The following TNRC18 variants were observed in gnomAD, a reference collection of about 807,000 sequenced individuals.
The protein encoded by TNRC18 is trinucleotide repeat-containing gene 18 protein.
TNRC18 carries 69 observed loss-of-function variants against 226.7 expected under a neutral mutation model. That is an observed-to-expected ratio of 0.30 (90% CI 0.25 to 0.37). The LOEUF (loss-of-function observed/expected upper bound fraction) is 0.37. TNRC18 is among the 10% of genes least tolerant of loss of function. TNRC18 has a pLI of 1.00. For synonymous variants in TNRC18, 2,449 were observed against 1,927.6 expected (o/e 1.27, Z -7.09); for missense variants, 4,754 against 4,256.6 (o/e 1.12, Z -3.25).
intron 4 of TNRC18, 61 bp from the exon 5 acceptor site, chr7:5,389,397 G>A (rs1436107857): frequency 3.3e-6 from 4 of 1,220,970 alleles, no homozygotes; most frequent in Non-Finnish European, 4.1e-6. Context: ...CCCCTGCCTG[G>A]GCGGAGGCGG....
chr7:5,376,947 T>C lies in TNRC18; in HGVS notation c.2508A>G (p.Pro836=). ...ACGGGAGGGAGCCCCCCAGGCCAGG[T>C]GGGAACGCAGGGGCCATGCCCTGGT... ...SLHQGMAPAF[P]PGLGGSLPSA... is the part of the protein sequence containing the mutation. Residue 836 remains proline (P), a synonymous_variant, in exon 8 of 30, where the codon CCA becomes CCG. Coordinates refer to ENST00000430969, the MANE Select transcript of TNRC18 (RefSeq NM_001080495.3). 1 of 1,593,344 alleles carries C rather than the reference T, an allele frequency of 6.3e-7. No individual in the cohort carries two copies. The highest frequency in any genetic ancestry group is 8.5e-7 in the Non-Finnish European group (1 of 1,170,468).
In TNRC18 at chr7:5,309,501, G is replaced by C. The variant is rs150486454; in HGVS notation, c.8389-133C>G. ...CCCCTATCCAACTGTGGGGAGATGAGGAAGCTCCTTGTCTCGCTTCAAGTG... is the reference window on the plus strand; with the variant it reads ...CCCCTATCCAACTGTGGGGAGATGACGAAGCTCCTTGTCTCGCTTCAAGTG... On this transcript the variant is annotated intron_variant, in intron 27 of 29. Transcript: ENST00000430969. The surrounding 1 kb of genome is among the most constrained non-coding windows in gnomAD (Gnocchi z 5.7). The C allele has an allele frequency of 5.7e-5, 42 of 735,656 alleles. No individual in the cohort carries two copies. The highest frequency in any genetic ancestry group is 7.3e-5 in the Non-Finnish European group (33 of 454,534). 45.6% of individuals were successfully genotyped at this position (735,656 alleles called of 1,614,324 possible). A position where few individuals can be genotyped will look rare whatever the true frequency, so the allele number is the denominator to read the frequency against.
rs1452850175 is a variant in TNRC18, at chr7:5,388,014, G to A, written c.1810C>T (p.Pro604Ser). The A allele has an allele frequency of 1.3e-6, 2 of 1,579,260 alleles. No individual in the cohort carries two copies. The highest frequency in any genetic ancestry group is 1.8e-5 in the Admixed American group (1 of 54,748). The change falls in exon 5 of 30, where the codon CCT becomes TCT. Residue 604 changes from proline (P) to serine (S), a missense_variant. Coordinates refer to ENST00000430969, the MANE Select transcript of TNRC18 (RefSeq NM_001080495.3). ...SFARDAVAVR[P>S]GGCGKKSPFG... The stretch of plus-strand genomic sequence containing the variant: ...GGGCTCTTCTTGCCACAGCCACCAG[G>A]GCGCACGGCCACGGCGTCCCGGGCA...
At chr7:5,322,327 C>G (rs1471575524) in intron 21 of TNRC18, among the ~76,000 whole-genome samples, 3 of 149,506 alleles carry the variant, frequency 2.0e-5, no homozygotes, top group Admixed American at 6.7e-5. Flanking sequence ...GAGACAAGGT[C>G]TTGCTTTGTC....
At chr7:5,416,216 C>G (rs1782178684) in intron 2 of TNRC18, among the ~76,000 whole-genome samples, 1 of 150,808 alleles carries the variant, frequency 6.6e-6, no homozygotes, top group African/African-American at 2.4e-5. Flanking sequence ...AGATCGAGAT[C>G]ATCCCGGCTA....
At chr7:5,397,193 G>C (rs1057179434) in intron 2 of TNRC18, among the ~76,000 whole-genome samples, 1 of 152,128 alleles carries the variant, frequency 6.6e-6, no homozygotes, top group Non-Finnish European at 1.5e-5. Flanking sequence ...GGCCCAAGCC[G>C]GGGCAGCAGG....
intron 5 of TNRC18, among the ~76,000 whole-genome samples, chr7:5,378,488 G>A (rs182569881): frequency 0.011 from 1,631 of 150,614 alleles, 40 homozygotes; most frequent in African/African-American, 0.038. Context: ...GCACGATCTC[G>A]GCTCACTGCA....
rs550455323 is a variant in TNRC18, at chr7:5,420,704, G to A, written c.187+356C>T. ...CGAGCTCGGGGAGCGGGTGTCTCGC[G>A]GGGTGCGGGGGCCGGTTTGTTCTTT... On this transcript the variant is annotated intron_variant, in intron 2 of 29. Coordinates refer to ENST00000430969, the MANE Select transcript of TNRC18 (RefSeq NM_001080495.3). 5.1e-5 allele frequency: 27 copies of A among 527,460 alleles called. 1 individual carries two copies. The highest frequency in any genetic ancestry group is 4.0e-4 in the South Asian group (26 of 65,180). 32.7% of individuals were successfully genotyped at this position (527,460 alleles called of 1,614,324 possible). A position where few individuals can be genotyped will look rare whatever the true frequency, so the allele number is the denominator to read the frequency against.
chr7:5,375,363 G>A (rs1794558380), intron 9 of TNRC18, among the ~76,000 whole-genome samples: 1 of 151,326 alleles, frequency 6.6e-6, no homozygotes, highest in African/African-American at 2.4e-5. Flanking sequence ...GCGCTCCAAG[G>A]ACAGGCCGCT....
At chr7:5,399,485 G>A (rs1780931138) in intron 2 of TNRC18, among the ~76,000 whole-genome samples, 1 of 152,084 alleles carries the variant, frequency 6.6e-6, no homozygotes, top group Non-Finnish European at 1.5e-5. Flanking sequence ...GGACGAGGCG[G>A]GCAGATCACT....
rs764729300 is a variant in TNRC18, at chr7:5,388,184, G to A, written c.1640C>T (p.Ser547Phe). Residue 547 changes from serine to phenylalanine, a missense_variant, in exon 5 of 30, where the codon TCC (serine) becomes TTC (phenylalanine). By Grantham distance (155) the Ser-to-Phe change is radical. Coordinates refer to ENST00000430969, the MANE Select transcript of TNRC18 (RefSeq NM_001080495.3). The stretch of plus-strand genomic sequence containing the variant: ...CCCAGGGTCCAGGTAGGCCTTCTTG[G>A]AGGAGGAGGCAGCGACCACGGCGGC... Reference protein sequence around the residue: ...EEAAVVAASSSKKAYLDPGAV... With the variant: ...EEAAVVAASSFKKAYLDPGAV... 31 of 1,586,656 alleles carry A rather than the reference G, an allele frequency of 2.0e-5. No individual in the cohort carries two copies. Among genetic ancestry groups the A allele is most frequent in the Non-Finnish European group, 2.5e-5 (29 of 1,168,366 alleles).
chr7:5,325,673 C>CTCGT (rs1788843728), intron 19 of TNRC18: 1 of 164,418 alleles, frequency 6.1e-6, no homozygotes, highest in Non-Finnish European at 1.3e-5. Flanking sequence ...ATCTGCCCGC[C>CTCGT]TCGGCCTCCC....
At position 5,344,688 on chromosome 7, in the gene TNRC18, C is replaced by T. The variant is rs950169097; in HGVS notation, c.5719+874G>A. Among the ~76,000 whole-genome samples the T allele has an allele frequency of 4.6e-5, 7 of 152,008 alleles. No homozygotes were observed. The South Asian group carries it at 8.3e-4, about 18-fold the overall frequency. ...CCTACTGTGGCTCAGAAAAGGATGC[C>T]GGGGGGGTCAGAAGGACCCTCCCCT... On this transcript the variant is annotated intron_variant, in intron 18 of 29. Transcript: ENST00000430969.
Position 5,324,215 on chromosome 7 carries a change from C to T in TNRC18, c.6441G>A (p.Pro2147=), listed in dbSNP as rs768418322. The T allele has an allele frequency of 2.0e-5, 32 of 1,600,872 alleles. No homozygotes were observed. The highest frequency in any genetic ancestry group is 1.8e-4 in the East Asian group (8 of 44,356). The part of the protein sequence containing the change: ...RGGAVERPLT[P]APRSCIIDKD... ...ACATGTGGCATCACGGCCACTCACC[C>T]GGGGTCAGCGGCCGCTCCACAGCCC... The change falls in exon 21 of 30, where the codon CCG becomes CCA. Residue 2147 remains proline, a splice_region_variant and synonymous_variant. Coordinates refer to ENST00000430969, the MANE Select transcript of TNRC18 (RefSeq NM_001080495.3). This position sits in a 1 kb window ranked among gnomAD's most constrained non-coding sequence, Gnocchi z 4.8.
At chr7:5,368,103 A>G (rs769683245) in intron 11 of TNRC18, among the ~76,000 whole-genome samples, 17 of 152,166 alleles carry the variant, frequency 1.1e-4, no homozygotes, top group Middle Eastern at 3.4e-3. Flanking sequence ...CTGACCATCT[A>G]AGACTGGGTC....
rs934672859 is a variant in TNRC18 at position 5,307,633 on chromosome 7, A to C, written c.*473T>G. The C allele has an allele frequency of 2.4e-6, 1 of 413,852 alleles. No individual in the cohort carries two copies. The highest frequency in any genetic ancestry group is 4.9e-6 in the Non-Finnish European group (1 of 204,356). The allele number at this position is 413,852 out of a possible 1,614,324, so 25.6% of individuals were successfully genotyped here. ...AGCTGGCATCGGGCTGCCCTGTCCCATGCACGGTGGGAGGCCTTGGGGTGG... is the reference window on the plus strand; with the variant it reads ...AGCTGGCATCGGGCTGCCCTGTCCCCTGCACGGTGGGAGGCCTTGGGGTGG... On this transcript the variant is annotated 3_prime_UTR_variant, in exon 30 of 30. Transcript: ENST00000430969.
rs934604753 is a variant in TNRC18, at chr7:5,377,698, G to A, written c.2256-122C>T. 7.7e-6 allele frequency: 9 copies of A among 1,176,010 alleles called. No homozygotes were observed. Among genetic ancestry groups the A allele is most frequent in the Non-Finnish European group, 9.6e-6 (8 of 835,556 alleles). The allele number at this position is 1,176,010 out of a possible 1,614,324, so 72.8% of individuals were successfully genotyped here. ...CATGAGTCAGGACAACCACTGCTCG[G>A]AACTGAAGGGCCTCCCGGGGCCTTC... is the stretch of plus-strand genomic sequence containing the variant. On this transcript the variant is annotated intron_variant, in intron 6 of 29. Transcript: ENST00000430969. This position sits in a 1 kb window ranked among gnomAD's most constrained non-coding sequence, Gnocchi z 5.8.
rs1780040634 is a variant in TNRC18, at chr7:5,388,872, G to A, written c.952C>T (p.Leu318=). ...AARQDEGARL[L]RRTETLLPGP... ...GGGAGCAGGGTCTCCGTGCGCCGCA[G>A]CAGCCGCGCGCCCTCGTCCTGCCGG... The change falls in exon 5 of 30, where the codon CTG becomes TTG. Residue 318 remains leucine, a synonymous_variant. Transcript: ENST00000430969. 5 of 1,297,598 alleles carry A rather than the reference G, an allele frequency of 3.9e-6. No individual in the cohort carries two copies. Among genetic ancestry groups the A allele is most frequent in the South Asian group, 3.2e-5 (2 of 61,910 alleles). 80.4% of individuals were successfully genotyped at this position (1,297,598 alleles called of 1,614,324 possible). A position where few individuals can be genotyped will look rare whatever the true frequency, so the allele number is the denominator to read the frequency against.
chr7:5,360,756 T>A (rs1268448144), intron 14 of TNRC18, among the ~76,000 whole-genome samples: 2 of 152,114 alleles, frequency 1.3e-5, no homozygotes, highest in East Asian at 3.9e-4. Flanking sequence ...TCTACCTCTC[T>A]CCATCCTCTC....
Sources: gnomAD v4.1 joint callset for allele counts (sites outside exome capture counted in the v4.1 genomes callset) on GRCh38, gnomAD v4.1.1 for gene constraint, Gnocchi (gnomAD v3.1) non-coding constraint, MANE v1.5 for transcripts, NCBI Gene and HGNC (gene_info 2026-07-23, HGNC 2026-07-21) for gene names.